CUL4B: variants seen among roughly 807,000 people sequenced by gnomAD.
CUL4B encodes the protein cullin-4B.
CUL4B carries 1 observed loss-of-function variant against 69.2 expected under a neutral mutation model. That is an observed-to-expected ratio of 0.01 (90% CI 0.01 to 0.07). The LOEUF is 0.07. Ranked by LOEUF, CUL4B falls within the 10% of genes least tolerant of loss-of-function variation. The pLI is 1.00. For synonymous variants in CUL4B, 237 were observed against 223.2 expected, an observed-to-expected ratio of 1.06 and a Z score of -0.55; for missense variants, 328 against 638.8, an observed-to-expected ratio of 0.51 and a Z score of 5.24.
intron 2 of CUL4B, among the ~76,000 whole-genome samples, chrX:120,554,536 T>C (rs1924860870): frequency 8.9e-6 from 1 of 112,616 alleles, no homozygotes; most frequent in South Asian, 3.6e-4. Context: ...AAAAAGACAA[T>C]GTTTGCTTAC....
chrX:120,565,722 C>CTTT (rs757952500), upstream of CUL4B, among the ~76,000 whole-genome samples: 3 of 59,446 alleles, frequency 5.0e-5, no homozygotes, highest in African/African-American at 7.8e-5. Context: ...AGTCCATTTA[C>CTTT]TTTTTTTTTT....
intron 19 of CUL4B, among the ~76,000 whole-genome samples, chrX:120,528,976 A>T (rs1602566799): frequency 8.9e-6 from 1 of 112,153 alleles, no homozygotes; most frequent in East Asian, 2.8e-4. Flanking sequence ...CAGGATAAGT[A>T]AAATGACCAC....
At chrX:120,529,835 A>G (rs892723261) in intron 19 of CUL4B, among the ~76,000 whole-genome samples, 1 of 111,518 alleles carries the variant, frequency 9.0e-6, no homozygotes, top group African/African-American at 3.3e-5. Flanking sequence ...AAATATAGTG[A>G]ATAAACTTGA....
rs1464895451 is a variant in CUL4B, at chrX:120,560,433, G to C, written c.206C>G (p.Pro69Arg). The part of the protein sequence containing the change: ...DSTSSSSSTP[P>R]LQPRDSASPS... ...GGATGCCGAATCCCTGGGTTGTAAA[G>C]GAGGAGTGGAAGAGGAGGAAGAGGT... Residue 69 changes from proline to arginine, a missense_variant, in exon 1 of 20, where the codon CCT becomes CGT. Coordinates refer to ENST00000371322, the MANE Select transcript of CUL4B (RefSeq NM_001079872.2). The C allele has an allele frequency of 8.3e-7, 1 of 1,208,819 alleles. No individual in the cohort carries two copies. The highest frequency in any genetic ancestry group is 1.1e-6 in the Non-Finnish European group (1 of 894,581).
chrX:120,549,919 T>C (rs1924587818), intron 2 of CUL4B, among the ~76,000 whole-genome samples: 1 of 112,009 alleles, frequency 8.9e-6, no homozygotes, highest in African/African-American at 3.2e-5. Flanking sequence ...GCGTACTTCA[T>C]CTTTCCACAT....
rs1486188270 is a variant in CUL4B, at chrX:120,557,459, T to C, written c.672+465A>G. ...AAGGTGCGTCTTGTAGCCCAGGTAT[T>C]AGAAAAATGTAAAGAGCAAGAAAAA... On this transcript the variant is annotated intron_variant, in intron 2 of 19. Transcript: ENST00000371322. Among the ~76,000 whole-genome samples the C allele has an allele frequency of 3.1e-4, 35 of 111,619 alleles. No individual in the cohort carries two copies. In the Admixed American group the frequency reaches 3.3e-3, roughly 10 times the overall value.
chrX:120,561,921 C>G (rs1480122014), upstream of CUL4B, among the ~76,000 whole-genome samples: 1 of 111,367 alleles, frequency 9.0e-6, no homozygotes, highest in Non-Finnish European at 1.9e-5. Context: ...TCTCAAGGCA[C>G]CACAGACCCA....
At chrX:120,534,357 T>TA (rs1287557093) in intron 17 of CUL4B, 124 bp downstream of exon 17, 1,897 of 469,711 alleles carry the variant, frequency 4.0e-3, no homozygotes, top group Non-Finnish European at 4.6e-3. Flanking sequence ...CCTGTCTCAT[T>TA]AAAAAAAAAG....
intron 5 of CUL4B, among the ~76,000 whole-genome samples, 190 bp from the exon 6 acceptor site, chrX:120,544,833 T>C: frequency 8.9e-6 from 1 of 112,480 alleles, no homozygotes. Flanking sequence ...AGGAAACTCA[T>C]TTTGCCTTTA....
chrX:120,534,432 CT>C (rs750824070), intron 17 of CUL4B, 48 bp downstream of exon 17: 51 of 844,902 alleles, frequency 6.0e-5, no homozygotes, highest in Middle Eastern at 5.4e-4. Flanking sequence ...CCCCAGACCT[CT>C]TAACATAGTG....
rs1017138439 is a variant in CUL4B at position 120,539,335 on chromosome X, T to C, written c.1674A>G (p.Lys558=). ...TCTCAAGTTCTTCATCTGTAGCTTCTTTGTTGCCTGCACGAAGTTTTGAAT... is the reference window on the plus strand; with the variant it reads ...TCTCAAGTTCTTCATCTGTAGCTTCCTTGTTGCCTGCACGAAGTTTTGAAT... The part of the protein sequence containing the change: ...YVDSKLRAGN[K]EATDEELEKM... Residue 558 remains lysine (K), a synonymous_variant, in exon 12 of 20, where the codon AAA becomes AAG. Coordinates refer to ENST00000371322, the MANE Select transcript of CUL4B (RefSeq NM_001079872.2). 11 of 1,199,007 alleles carry C rather than the reference T, an allele frequency of 9.2e-6. No individual in the cohort carries two copies. The highest frequency in any genetic ancestry group is 1.1e-5 in the Non-Finnish European group (10 of 887,001).
chrX:120,539,831 G>A (rs759848627), intron 11 of CUL4B, among the ~76,000 whole-genome samples: 1 of 111,838 alleles, frequency 8.9e-6, no homozygotes, highest in Non-Finnish European at 1.9e-5. Flanking sequence ...ACATGTTTAC[G>A]GATACATAGT....
At chrX:120,545,557 G>A (rs1344814544) in intron 4 of CUL4B, 40 bp from the exon 5 acceptor site, 2 of 937,687 alleles carry the variant, frequency 2.1e-6, no homozygotes, top group Non-Finnish European at 3.0e-6. Flanking sequence ...AGTTTTGTAT[G>A]TTGTGAAGCT....
chrX:120,546,153 G>C (rs1386680333), intron 4 of CUL4B, among the ~76,000 whole-genome samples: 2 of 111,194 alleles, frequency 1.8e-5, no homozygotes, highest in African/African-American at 6.5e-5. Context: ...CTGAAATGCA[G>C]GTTTACCTGT....
At chrX:120,562,929 G>C (rs1192457056), upstream of CUL4B, among the ~76,000 whole-genome samples, 1 of 112,085 alleles carries the variant, frequency 8.9e-6, no homozygotes, top group Non-Finnish European at 1.9e-5. Flanking sequence ...AGGGGTGACA[G>C]GATTGTGAGT....
At chrX:120,532,258 TC>T (rs1923362990) in intron 18 of CUL4B, 163 bp downstream of exon 18, 1 of 448,478 alleles carries the variant, frequency 2.2e-6, no homozygotes, top group African/African-American at 2.4e-5. Context: ...ACAACCACTC[TC>T]CCAAACACCC....
intron 19 of CUL4B, among the ~76,000 whole-genome samples, chrX:120,529,764 A>T (rs766633596): frequency 9.0e-6 from 1 of 111,516 alleles, no homozygotes; most frequent in East Asian, 2.8e-4. Flanking sequence ...ATGGTATTTC[A>T]ATAAATACCA....
At chrX:120,545,294 A>T in intron 5 of CUL4B, 150 bp downstream of exon 5, 1 of 474,497 alleles carries the variant, frequency 2.1e-6, no homozygotes, top group South Asian at 3.1e-5. Flanking sequence ...GCAACATATT[A>T]TTAGGAAGAT....
chrX:120,527,120 C>T (rs1923020478), intron 19 of CUL4B, among the ~76,000 whole-genome samples: 1 of 107,563 alleles, frequency 9.3e-6, no homozygotes, highest in East Asian at 2.9e-4. Flanking sequence ...ACTGCAGTGG[C>T]ACCACTTTGG....
Sources: gnomAD v4.1 joint callset for allele counts (sites outside exome capture counted in the v4.1 genomes callset) on GRCh38, gnomAD v4.1.1 for gene constraint, MANE v1.5 for transcripts, NCBI Gene and HGNC (gene_info 2026-07-23, HGNC 2026-07-21) for gene names.